Variants in DENND5A observed in about 807,000 individuals in gnomAD.
The protein encoded by DENND5A is DENN domain containing 5A.
DENND5A carries 64 observed loss-of-function variants against 140.3 expected under a neutral mutation model. That is an observed-to-expected ratio of 0.46 (90% CI 0.37 to 0.56). DENND5A has a LOEUF of 0.56. Ranked by LOEUF, DENND5A falls within the 20% of genes least tolerant of loss-of-function variation. The pLI, the probability that DENND5A is intolerant of heterozygous loss-of-function variation, is 0.00. For missense variants in DENND5A, 1,292 were observed against 1,593.8 expected, an observed-to-expected ratio of 0.81 and a Z score of 3.22; for synonymous variants, 605 against 607.7, an observed-to-expected ratio of 1.00 and a Z score of 0.07.
Position 9,209,497 on chromosome 11 carries a change from C to T in DENND5A, c.110-1865G>A, listed in dbSNP as rs553563089. 1.4e-4 allele frequency among the ~76,000 whole-genome samples: 22 copies of T among 152,268 alleles called. No individual in the cohort carries two copies. In the South Asian group the frequency reaches 4.4e-3, roughly 30 times the overall value. ...CCCACCACCACCTCTCCACATCTGC[C>T]CCTTCTTTAAATTAGCTAAGGGAAG... is the stretch of plus-strand genomic sequence containing the variant. On this transcript the variant is annotated intron_variant, in intron 1 of 22. Coordinates refer to ENST00000328194, the MANE Select transcript of DENND5A (RefSeq NM_015213.4).
chr11:9,202,861 C>T (rs866783274), intron 4 of DENND5A, among the ~76,000 whole-genome samples: 1 of 152,186 alleles, frequency 6.6e-6, no homozygotes, highest in Non-Finnish European at 1.5e-5. Flanking sequence ...ACCTAACCAC[C>T]CTATTACAAA....
At chr11:9,179,906 G>C (rs907543080) in intron 6 of DENND5A, among the ~76,000 whole-genome samples, 1 of 151,910 alleles carries the variant, frequency 6.6e-6, no homozygotes, top group African/African-American at 2.4e-5. Flanking sequence ...CTCCACTAAA[G>C]CAGAAAAAAT....
At chr11:9,141,831 C>T in intron 22 of DENND5A, 109 bp downstream of exon 22, 2 of 1,053,448 alleles carry the variant, frequency 1.9e-6, no homozygotes, top group Non-Finnish European at 1.3e-6. Flanking sequence ...AAGGCCTCAT[C>T]TCCCTAAGGG....
chr11:9,167,495 A>C (rs1848230809), intron 10 of DENND5A, among the ~76,000 whole-genome samples: 1 of 151,702 alleles, frequency 6.6e-6, no homozygotes, highest in Non-Finnish European at 1.5e-5. Flanking sequence ...AAAAAAAAGA[A>C]AAAGAAAAAC....
chr11:9,263,828 G>A (rs1212971512), intron 1 of DENND5A, among the ~76,000 whole-genome samples: 4 of 124,354 alleles, frequency 3.2e-5, no homozygotes, highest in Non-Finnish European at 6.5e-5. Flanking sequence ...CGGCCTGGGC[G>A]ACAGAGCGAG....
chr11:9,263,225 C>CA (rs1002979503), intron 1 of DENND5A, among the ~76,000 whole-genome samples: 3 of 151,728 alleles, frequency 2.0e-5, no homozygotes, highest in Non-Finnish European at 4.4e-5. Context: ...TTTTCCCAGA[C>CA]AGAGTCTCGC....
intron 1 of DENND5A, among the ~76,000 whole-genome samples, chr11:9,254,542 GATAAGCC>G (rs1851864613): frequency 6.6e-6 from 1 of 152,198 alleles, no homozygotes; most frequent in Non-Finnish European, 1.5e-5. Flanking sequence ...AGATGTCTGA[GATAAGCC>G]ATAAGATTTT....
rs1173190187 is a variant in DENND5A at position 9,252,583 on chromosome 11, G to T, written c.109+12378C>A. The stretch of plus-strand genomic sequence containing the variant: ...AATTGCTTGAACCTTGGAGGCGGAG[G>T]CTGCAGTAGCCAAGATCGCACCATT... On this transcript the variant is annotated intron_variant, in intron 1 of 22. Coordinates refer to ENST00000328194, the MANE Select transcript of DENND5A (RefSeq NM_015213.4). Among the ~76,000 whole-genome samples, 6 of 151,926 alleles carry T rather than the reference G, an allele frequency of 3.9e-5. No individual in the cohort carries two copies. The East Asian group carries it at 1.2e-3, about 29-fold the overall frequency.
intron 13 of DENND5A, 35 bp from the exon 14 acceptor site, chr11:9,150,799 C>G (rs757470718): frequency 1.4e-6 from 2 of 1,432,840 alleles, no homozygotes; most frequent in South Asian, 1.2e-5. Flanking sequence ...CCAAAGAGAT[C>G]TGAATATCCA....
chr11:9,211,234 G>A (rs1286642883), intron 1 of DENND5A, among the ~76,000 whole-genome samples: 3 of 152,080 alleles, frequency 2.0e-5, no homozygotes, highest in Admixed American at 6.6e-5. Flanking sequence ...GTGAAAGAGG[G>A]AGATTCCAGA....
intron 11 of DENND5A, among the ~76,000 whole-genome samples, chr11:9,162,440 T>C (rs1353274636): frequency 6.6e-6 from 1 of 151,964 alleles, no homozygotes; most frequent in Non-Finnish European, 1.5e-5. Context: ...GGTTTCTCCA[T>C]GTTGGTCAGG....
intron 3 of DENND5A, among the ~76,000 whole-genome samples, 193 bp downstream of exon 3, chr11:9,206,480 T>A (rs1312854979): frequency 6.6e-6 from 1 of 152,224 alleles, no homozygotes; most frequent in Non-Finnish European, 1.5e-5. Context: ...CATTATAACT[T>A]TTAGCATATT....
At chr11:9,168,092 A>ATTTTTTTTTT (rs11285106) in intron 10 of DENND5A, among the ~76,000 whole-genome samples, 255 of 141,936 alleles carry the variant, frequency 1.8e-3, no homozygotes, top group African/African-American at 6.1e-3. Context: ...AACCTCAGTG[A>ATTTTTTTTTT]TTTTTTTTTT....
At chr11:9,233,126 C>G (rs749413514) in intron 1 of DENND5A, among the ~76,000 whole-genome samples, 2 of 152,126 alleles carry the variant, frequency 1.3e-5, no homozygotes, top group Non-Finnish European at 2.9e-5. Flanking sequence ...GACAGCCAGT[C>G]GCAGGGGCTC....
intron 1 of DENND5A, among the ~76,000 whole-genome samples, chr11:9,246,840 C>T (rs1564938932): frequency 6.6e-6 from 1 of 152,152 alleles, no homozygotes; most frequent in Non-Finnish European, 1.5e-5. Flanking sequence ...CAAGACAGCG[C>T]TTCCTTTTAG....
At chr11:9,251,154 A>AG (rs1489753077) in intron 1 of DENND5A, among the ~76,000 whole-genome samples, 24 of 147,332 alleles carry the variant, frequency 1.6e-4, no homozygotes, top group Non-Finnish European at 2.2e-4. Context: ...AAAAAAAAAA[A>AG]AAAGAAAGAA....
chr11:9,152,298 G>T (rs1419924416), intron 13 of DENND5A, 60 bp downstream of exon 13: 2 of 1,244,968 alleles, frequency 1.6e-6, no homozygotes, highest in South Asian at 1.2e-5. Flanking sequence ...AAGTGATCAC[G>T]CCAGTGGGTG....
chr11:9,241,641 A>G (rs556431248), intron 1 of DENND5A, among the ~76,000 whole-genome samples: 1 of 152,256 alleles, frequency 6.6e-6, no homozygotes, highest in East Asian at 1.9e-4. Context: ...ACATATACAT[A>G]TGGCTCACTC....
rs571954977 is a variant in DENND5A, at chr11:9,197,849, T to A, written c.950-4168A>T. 2.0e-5 allele frequency among the ~76,000 whole-genome samples: 3 copies of A among 152,352 alleles called. No individual in the cohort carries two copies. The South Asian group carries it at 6.2e-4, about 32-fold the overall frequency. On this transcript the variant is annotated intron_variant, in intron 4 of 22. Coordinates refer to ENST00000328194, the MANE Select transcript of DENND5A (RefSeq NM_015213.4). ...AAGAAAAGAGAGGAAAATATTTGAT[T>A]CCCTTTGGAATTGTTTTAATTATAT...
Sources: gnomAD v4.1 joint callset for allele counts (sites outside exome capture counted in the v4.1 genomes callset) on GRCh38, gnomAD v4.1.1 for gene constraint, MANE v1.5 for transcripts, NCBI Gene and HGNC (gene_info 2026-07-23, HGNC 2026-07-21) for gene names.